ZFYVE28: variants seen among roughly 807,000 people sequenced by gnomAD.
ZFYVE28 encodes zinc finger FYVE-type containing 28.
A neutral mutation model predicts 82.1 loss-of-function variants in ZFYVE28; 40 were observed. That is an observed-to-expected ratio of 0.49 (90% confidence interval 0.38 to 0.63). ZFYVE28 has a LOEUF of 0.63. Ranked by LOEUF, ZFYVE28 falls within the 30% of genes least tolerant of loss-of-function variation. ZFYVE28 has a pLI of 0.00. For synonymous variants in ZFYVE28, 612 were observed against 546.1 expected, an observed-to-expected ratio of 1.12 and a Z score of -1.68; for missense variants, 1,321 against 1,242.1, an observed-to-expected ratio of 1.06 and a Z score of -0.96.
chr4:2,395,400 C>A (rs1426105961), intron 1 of ZFYVE28, among the ~76,000 whole-genome samples: 1 of 152,278 alleles, frequency 6.6e-6, no homozygotes, highest in East Asian at 1.9e-4. Context: ...GCGCAGACAG[C>A]ACTGCTCCAT....
intron 1 of ZFYVE28, among the ~76,000 whole-genome samples, chr4:2,369,293 C>T (rs1727239226): frequency 6.6e-6 from 1 of 152,210 alleles, no homozygotes; most frequent in Non-Finnish European, 1.5e-5. Context: ...ACAAGGGTCC[C>T]CCCTGCCACA....
intron 1 of ZFYVE28, among the ~76,000 whole-genome samples, chr4:2,379,405 C>T (rs1728493311): frequency 6.6e-6 from 1 of 152,228 alleles, no homozygotes; most frequent in African/African-American, 2.4e-5. Flanking sequence ...GCTCTCTCCT[C>T]TTAACAGAAT....
rs143269293 is a variant in ZFYVE28, at chr4:2,304,921, G to C, written c.1419C>G (p.Leu473=). ...LEAEGTDGAS[L]AGTSSCSCLD... ...GGCAGCTGCAGGAGCTGGTGCCCGC[G>C]AGGCTGGCCCCATCTGTGCCCTCGG... The change falls in exon 8 of 13, where the codon CTC becomes CTG. Residue 473 remains leucine, a synonymous_variant. Transcript: ENST00000290974. 5.0e-6 allele frequency: 8 copies of C among 1,612,728 alleles called. No individual in the cohort carries two copies. Among genetic ancestry groups the C allele is most frequent in the Admixed American group, 1.7e-5 (1 of 60,028 alleles).
intron 8 of ZFYVE28, among the ~76,000 whole-genome samples, chr4:2,279,637 C>T (rs1196137363): frequency 3.9e-5 from 6 of 152,004 alleles, no homozygotes; most frequent in East Asian, 1.9e-4. Flanking sequence ...AAAAATTAGC[C>T]AGGCATGGTG....
intron 8 of ZFYVE28, among the ~76,000 whole-genome samples, chr4:2,296,029 C>CT (rs751430235): frequency 5.9e-5 from 9 of 152,202 alleles, no homozygotes; most frequent in Non-Finnish European, 8.8e-5. Context: ...AACAGAGGGC[C>CT]TGTAAGGATG....
At position 2,341,081 on chromosome 4, in the gene ZFYVE28, T is replaced by C. The variant is rs1350491472; in HGVS notation, c.318+397A>G. On this transcript the variant is annotated intron_variant, in intron 3 of 12. Coordinates refer to ENST00000290974, the MANE Select transcript of ZFYVE28 (RefSeq NM_020972.3). The surrounding 1 kb of genome is among the most constrained non-coding windows in gnomAD (Gnocchi z 4.5). ...ATGAAGATGACAGGCTATTGCCACA[T>C]GTGGCCTGCGTGGGGCTGCAGCACG... Among the ~76,000 whole-genome samples the C allele has an allele frequency of 6.6e-6, 1 of 151,686 alleles. No homozygotes were observed. Among genetic ancestry groups the C allele is most frequent in the Non-Finnish European group, 1.5e-5 (1 of 67,944 alleles).
At position 2,353,852 on chromosome 4, in the gene ZFYVE28, C is replaced by T. The variant is rs1023840906; in HGVS notation, c.180+81G>A. On this transcript the variant is annotated intron_variant, in intron 2 of 12. Coordinates refer to ENST00000290974, the MANE Select transcript of ZFYVE28 (RefSeq NM_020972.3). ...GCCACCACAGGGGGCCAGCAGGTGA[C>T]AAAGCCTTGGTCTACTGAGGACAGG... 29 of 1,306,276 alleles carry T rather than the reference C, an allele frequency of 2.2e-5. No homozygotes were observed. In the African/African-American group the frequency reaches 4.3e-4, roughly 19 times the overall value. 80.9% of individuals were successfully genotyped at this position (1,306,276 alleles called of 1,614,324 possible).
chr4:2,270,828 G>C lies in ZFYVE28; in HGVS notation c.2561C>G (p.Ser854Ter). The change falls in exon 13 of 13, where the codon TCA (serine) becomes TGA (stop). Residue 854 changes from serine (S) to a stop codon, truncating the protein, a stop_gained. Coordinates refer to ENST00000290974, the MANE Select transcript of ZFYVE28 (RefSeq NM_020972.3). LOFTEE classifies it high-confidence loss of function. Reference protein sequence around the residue: ...KIFCSRCSSHSAPLPRYGQVK... With the variant: ...KIFCSRCSSH ...CTGCCCGTAGCGGGGCAGCGGTGCT[G>C]AGTGCGAGGAGCAGCGCGAGCAGAA... 6.2e-7 allele frequency: 1 copy of C among 1,613,016 alleles called. No individual in the cohort carries two copies. Among genetic ancestry groups the C allele is most frequent in the Non-Finnish European group, 8.5e-7 (1 of 1,179,942 alleles).
rs1240437651 is a variant in ZFYVE28 at position 2,339,728 on chromosome 4, C to T, written c.319-73G>A. The T allele has an allele frequency of 2.1e-6, 3 of 1,434,666 alleles. No individual in the cohort carries two copies. The African/African-American group carries it at 4.3e-5, about 21-fold the overall frequency. 88.9% of individuals were successfully genotyped at this position (1,434,666 alleles called of 1,614,324 possible). ...TCTCAGGGGTCGCCGACCCGGGGAACCTGACTGCGCACCTCGGGGCCCCTC... is the reference window on the plus strand; with the variant it reads ...TCTCAGGGGTCGCCGACCCGGGGAATCTGACTGCGCACCTCGGGGCCCCTC... On this transcript the variant is annotated intron_variant, in intron 3 of 12. Coordinates refer to ENST00000290974, the MANE Select transcript of ZFYVE28 (RefSeq NM_020972.3). The surrounding 1 kb of genome is among the most constrained non-coding windows in gnomAD (Gnocchi z 5.0).
intron 7 of ZFYVE28, among the ~76,000 whole-genome samples, chr4:2,318,690 A>G (rs1718604977): frequency 6.6e-6 from 1 of 152,078 alleles, no homozygotes; most frequent in African/African-American, 2.4e-5. Flanking sequence ...TGCCTTACCC[A>G]TGGGTGAGGT....
At chr4:2,361,826 G>A (rs906705183) in intron 1 of ZFYVE28, among the ~76,000 whole-genome samples, 2 of 152,168 alleles carry the variant, frequency 1.3e-5, no homozygotes, top group African/African-American at 2.4e-5. Flanking sequence ...CTGCAGGTGG[G>A]GACCTTAAAG....
chr4:2,378,127 G>C (rs1728354745), intron 1 of ZFYVE28, among the ~76,000 whole-genome samples: 1 of 152,210 alleles, frequency 6.6e-6, no homozygotes, highest in Non-Finnish European at 1.5e-5. Flanking sequence ...ATCATTTGAG[G>C]TCAGGAGTTC....
intron 1 of ZFYVE28, among the ~76,000 whole-genome samples, chr4:2,357,905 C>G (rs1342102384): frequency 6.6e-6 from 1 of 152,194 alleles, no homozygotes; most frequent in Non-Finnish European, 1.5e-5. Flanking sequence ...GAGTTCCCAG[C>G]AACGCCAGGT....
intron 8 of ZFYVE28, among the ~76,000 whole-genome samples, chr4:2,282,492 T>C (rs1712097823): frequency 6.6e-6 from 1 of 152,130 alleles, no homozygotes; most frequent in South Asian, 2.1e-4. Flanking sequence ...CTCTGAGATG[T>C]TGGGAACATG....
intron 2 of ZFYVE28, among the ~76,000 whole-genome samples, chr4:2,352,376 G>C (rs1319843108): frequency 6.6e-6 from 1 of 151,998 alleles, no homozygotes; most frequent in Non-Finnish European, 1.5e-5. Context: ...GACCCACATG[G>C]AGGAGGCTGG....
chr4:2,308,675 A>AAGAGAGAGAGAG (rs1175184341), intron 7 of ZFYVE28, among the ~76,000 whole-genome samples: 7 of 93,146 alleles, frequency 7.5e-5, no homozygotes, highest in African/African-American at 2.9e-4. Context: ...GAAAGAAAGA[A>AAGAGAGAGAGAG]AGAGAAAGAA....
chr4:2,373,194 A>T (rs1727754469), intron 1 of ZFYVE28, among the ~76,000 whole-genome samples: 1 of 152,130 alleles, frequency 6.6e-6, no homozygotes, highest in African/African-American at 2.4e-5. Context: ...CTTTTAAATA[A>T]TTTTTTATTA....
chr4:2,323,443 C>T (rs902464077), intron 6 of ZFYVE28, among the ~76,000 whole-genome samples: 3 of 152,132 alleles, frequency 2.0e-5, no homozygotes, highest in Non-Finnish European at 4.4e-5. Context: ...ATGTTCTGGA[C>T]ATTAAATCTT....
chr4:2,417,173 C>T lies in ZFYVE28; in HGVS notation c.39+1112G>A, dbSNP rs949167862. On this transcript the variant is annotated intron_variant, in intron 1 of 12. Coordinates refer to ENST00000290974, the MANE Select transcript of ZFYVE28 (RefSeq NM_020972.3). The surrounding 1 kb of genome is among the most constrained non-coding windows in gnomAD (Gnocchi z 4.8). The stretch of plus-strand genomic sequence containing the variant: ...AGCTGCCCGGACGAAGCGCTGGCCC[C>T]ACTCCCGCCCTTGGTCGCCGCGGTG... Among the ~76,000 whole-genome samples the T allele has an allele frequency of 6.6e-6, 1 of 152,160 alleles. No individual in the cohort carries two copies. Among genetic ancestry groups the T allele is most frequent in the African/African-American group, 2.4e-5 (1 of 41,446 alleles).
Sources: gnomAD v4.1 joint callset for allele counts (sites outside exome capture counted in the v4.1 genomes callset) on GRCh38, gnomAD v4.1.1 for gene constraint, Gnocchi (gnomAD v3.1) non-coding constraint, MANE v1.5 for transcripts, NCBI Gene and HGNC (gene_info 2026-07-23, HGNC 2026-07-21) for gene names.